Variants in XRCC4 observed in about 807,000 individuals in gnomAD.
XRCC4 encodes X-ray repair cross complementing 4.
A neutral mutation model predicts 39.1 loss-of-function variants in XRCC4; 28 were observed. That is an observed-to-expected ratio of 0.72 (90% confidence interval 0.53 to 0.98). XRCC4 has a LOEUF of 0.98. Ranked by LOEUF, XRCC4 falls within the 50% of genes least tolerant of loss-of-function variation. The pLI is 0.00. For missense variants in XRCC4, 350 were observed against 376.4 expected, an observed-to-expected ratio of 0.93 and a Z score of 0.58; for synonymous variants, 123 against 126.4, an observed-to-expected ratio of 0.97 and a Z score of 0.18.
At chr5:83,302,790 A>G (rs926079510) in intron 7 of XRCC4, among the ~76,000 whole-genome samples, 5 of 152,218 alleles carry the variant, frequency 3.3e-5, no homozygotes, top group South Asian at 2.1e-4. Flanking sequence ...CAGTGTAACA[A>G]TTTCTCAAAG....
At chr5:83,353,108 T>C (rs1757126505) in intron 7 of XRCC4, 23 bp from the exon 8 acceptor site, 1 of 1,546,872 alleles carries the variant, frequency 6.5e-7, no homozygotes, top group African/African-American at 1.4e-5. Context: ...ATAAAACTAT[T>C]TTGATTTTCT....
At position 83,211,371 on chromosome 5, in the gene XRCC4, T is replaced by C. The variant is rs1389192346; in HGVS notation, c.745+6450T>C. 2.6e-5 allele frequency among the ~76,000 whole-genome samples: 4 copies of C among 152,298 alleles called. No individual in the cohort carries two copies. The East Asian group carries it at 7.7e-4, about 29-fold the overall frequency. On this transcript the variant is annotated intron_variant, in intron 6 of 7. Transcript: ENST00000396027. Reference sequence around the variant, plus strand: ...GTGATACTCACAACCAGCAGCATTGTCAGTAGAAGTAATGATCTTGGTGTC... The same window carrying C: ...GTGATACTCACAACCAGCAGCATTGCCAGTAGAAGTAATGATCTTGGTGTC...
chr5:83,216,110 T>C (rs1256875315), intron 6 of XRCC4, among the ~76,000 whole-genome samples: 3 of 152,010 alleles, frequency 2.0e-5, no homozygotes, highest in Non-Finnish European at 2.9e-5. Context: ...TATTTACAAC[T>C]CAATAATAAG....
chr5:83,279,228 G>A lies in XRCC4; in HGVS notation c.893+20551G>A, dbSNP rs182176177. Among the ~76,000 whole-genome samples the A allele has an allele frequency of 4.6e-5, 7 of 151,564 alleles. No individual in the cohort carries two copies. The East Asian group carries it at 1.4e-3, about 29-fold the overall frequency. Reference sequence around the variant, plus strand: ...TTATCTTCATCTGTTGCCTGCTGTTGTAGACAAAATTTGACACACAATTAG... The same window carrying A: ...TTATCTTCATCTGTTGCCTGCTGTTATAGACAAAATTTGACACACAATTAG... On this transcript the variant is annotated intron_variant, in intron 7 of 7. Coordinates refer to ENST00000396027, the MANE Select transcript of XRCC4 (RefSeq NM_003401.5).
chr5:83,195,989 T>C (rs1750929922), intron 4 of XRCC4, 53 bp downstream of exon 4: 1 of 1,482,422 alleles, frequency 6.7e-7, no homozygotes, highest in Admixed American at 2.2e-5. Flanking sequence ...CTTTATGTTG[T>C]TATAGCTTTA....
rs1732725089 is a variant in XRCC4, at chr5:83,133,281, A to C, written c.315+22078A>C. Among the ~76,000 whole-genome samples, 27 of 151,962 alleles carry C rather than the reference A, an allele frequency of 1.8e-4. 1 individual carries two copies. Among genetic ancestry groups the C allele is most frequent in the Admixed American group, 1.8e-3 (27 of 15,248 alleles). ...TCTCAGAGGGGCACCTGGCCATCTG[A>C]GGTGTCAGTCGGCCCCTACTGGGAG... is the stretch of plus-strand genomic sequence containing the variant. On this transcript the variant is annotated intron_variant, in intron 3 of 7. Transcript: ENST00000396027.
intron 3 of XRCC4, among the ~76,000 whole-genome samples, chr5:83,187,270 ATC>A (rs1750495035): frequency 6.6e-6 from 1 of 152,082 alleles, no homozygotes; most frequent in Admixed American, 6.5e-5. Context: ...GCAGTTTTGT[ATC>A]TCTCTGTGTG....
intron 7 of XRCC4, among the ~76,000 whole-genome samples, chr5:83,344,020 A>C (rs978847865): frequency 6.6e-6 from 1 of 152,098 alleles, no homozygotes. Flanking sequence ...AATTCTGAGA[A>C]TATTGTCATG....
At chr5:83,130,995 T>C (rs1267338164) in intron 3 of XRCC4, among the ~76,000 whole-genome samples, 1 of 152,212 alleles carries the variant, frequency 6.6e-6, no homozygotes, top group African/African-American at 2.4e-5. Flanking sequence ...TCCTAGTTGT[T>C]TCTTGCCTTC....
chr5:83,085,523 C>T (rs1745142405), intron 1 of XRCC4, among the ~76,000 whole-genome samples: 1 of 151,924 alleles, frequency 6.6e-6, no homozygotes, highest in Admixed American at 6.6e-5. Context: ...ATATAGTATA[C>T]TAATAGAGTT....
At chr5:83,138,994 C>T (rs1270291659) in intron 3 of XRCC4, among the ~76,000 whole-genome samples, 3 of 151,994 alleles carry the variant, frequency 2.0e-5, no homozygotes, top group African/African-American at 7.2e-5. Context: ...CCCTAATGTT[C>T]ACATATTCCA....
downstream of XRCC4, among the ~76,000 whole-genome samples, chr5:83,355,075 C>G (rs1757174727): frequency 6.6e-6 from 1 of 152,200 alleles, no homozygotes; most frequent in Admixed American, 6.5e-5. Flanking sequence ...ACCTGATTTC[C>G]CACCCCTCTC....
intron 3 of XRCC4, among the ~76,000 whole-genome samples, chr5:83,113,241 C>A (rs1475410065): frequency 1.3e-5 from 2 of 152,184 alleles, no homozygotes; most frequent in African/African-American, 4.8e-5. Context: ...GTCATGAAAC[C>A]TTAAAGTTCC....
intron 6 of XRCC4, among the ~76,000 whole-genome samples, chr5:83,235,567 A>G (rs1465661332): frequency 1.3e-5 from 2 of 152,142 alleles, no homozygotes; most frequent in Non-Finnish European, 2.9e-5. Flanking sequence ...ATATACCTTA[A>G]CGTGACAAAG....
In XRCC4 at chr5:83,333,873, G is replaced by A. The variant is rs146067118; in HGVS notation, c.894-19258G>A. Among the ~76,000 whole-genome samples the A allele has an allele frequency of 8.5e-3, 1,288 of 151,528 alleles. 18 individuals are homozygous for A. Among genetic ancestry groups the A allele is most frequent in the African/African-American group, 0.03 (1,241 of 41,290 alleles). ...CAACCTCCACCTCCCAGGTTCAAGC[G>A]ATTCCCCTGCCTCAGCCTTCCAAGT... On this transcript the variant is annotated intron_variant, in intron 7 of 7. Transcript: ENST00000396027.
intron 3 of XRCC4, among the ~76,000 whole-genome samples, chr5:83,168,973 G>A (rs1258802145): frequency 1.3e-5 from 2 of 152,140 alleles, no homozygotes; most frequent in African/African-American, 4.8e-5. Flanking sequence ...GGAGCTCCTA[G>A]ATGACCAAAA....
chr5:83,277,623 A>G (rs929328441), intron 7 of XRCC4, among the ~76,000 whole-genome samples: 2 of 152,240 alleles, frequency 1.3e-5, no homozygotes, highest in Non-Finnish European at 2.9e-5. Context: ...TCCATTTAAA[A>G]ATAAGAAACT....
At chr5:83,296,191 C>G (rs1755087411) in intron 7 of XRCC4, among the ~76,000 whole-genome samples, 1 of 152,074 alleles carries the variant, frequency 6.6e-6, no homozygotes, top group Non-Finnish European at 1.5e-5. Flanking sequence ...TTACATATCT[C>G]TCTTGAGTTT....
In XRCC4 at chr5:83,258,319, G is replaced by A. The variant is rs177297; in HGVS notation, c.746-211G>A. ...AAGATCATTTTGATCAAATTATTCC[G>A]TGTGTACAATATACATAATGTTTTT... is the stretch of plus-strand genomic sequence containing the variant. On this transcript the variant is annotated intron_variant, in intron 6 of 7. Transcript: ENST00000396027. 0.34 allele frequency among the ~76,000 whole-genome samples: 51,981 copies of A among 151,926 alleles called. 12,053 individuals are homozygous for A. The highest frequency in any genetic ancestry group is 0.7 in the East Asian group (3,618 of 5,166).
Sources: gnomAD v4.1 joint callset for allele counts (sites outside exome capture counted in the v4.1 genomes callset) on GRCh38, gnomAD v4.1.1 for gene constraint, MANE v1.5 for transcripts, NCBI Gene and HGNC (gene_info 2026-07-23, HGNC 2026-07-21) for gene names.